The following RYR3 variants were observed in gnomAD, a reference collection of about 807,000 sequenced individuals.
The protein encoded by RYR3 is brain ryanodine receptor-calcium release channel.
In RYR3, 207 loss-of-function variants were observed where a neutral mutation model predicts 584.3. That is an observed-to-expected ratio of 0.35 (90% CI 0.32 to 0.40). The LOEUF is 0.40. Among genes scored for constraint, RYR3 ranks in the 10% least tolerant of loss-of-function variants. The pLI is 1.00. For synonymous variants in RYR3, 2,416 were observed against 2,248.5 expected, an observed-to-expected ratio of 1.07 and a Z score of -2.11; for missense variants, 5,616 against 6,089.2, an observed-to-expected ratio of 0.92 and a Z score of 2.59.
chr15:33,378,466 G>A (rs2040915272), intron 1 of RYR3, among the ~76,000 whole-genome samples: 1 of 152,176 alleles, frequency 6.6e-6, no homozygotes, highest in South Asian at 2.1e-4. Flanking sequence ...GGTATTTTGA[G>A]GCTTCTTGTT....
At chr15:33,672,410 C>A (rs1243695517) in intron 38 of RYR3, among the ~76,000 whole-genome samples, 1 of 152,170 alleles carries the variant, frequency 6.6e-6, no homozygotes, top group Non-Finnish European at 1.5e-5. Flanking sequence ...CATGCTTCTT[C>A]CCTTCCACAG....
chr15:33,859,854 A>T, intron 100 of RYR3, 123 bp downstream of exon 100: 2 of 1,107,766 alleles, frequency 1.8e-6, no homozygotes, highest in East Asian at 2.6e-5. Flanking sequence ...TAATTTAGCA[A>T]GAACTAATTT....
intron 1 of RYR3, among the ~76,000 whole-genome samples, chr15:33,342,897 G>A (rs1287846036): frequency 1.3e-5 from 2 of 152,136 alleles, no homozygotes; most frequent in African/African-American, 4.8e-5. Context: ...GACAAACAGC[G>A]ACATATGACA....
chr15:33,836,159 C>T (rs74855708), intron 87 of RYR3, among the ~76,000 whole-genome samples: 1 of 134,592 alleles, frequency 7.4e-6, no homozygotes. Context: ...TTTTCTTTTG[C>T]TTTTTTTTTA....
chr15:33,860,930 A>G (rs1050864143), intron 101 of RYR3, 148 bp from the exon 102 acceptor site: 2 of 563,910 alleles, frequency 3.5e-6, no homozygotes, highest in South Asian at 2.6e-5. Context: ...CTAATAGCCA[A>G]TGTATGGCAC....
chr15:33,794,885 G>T (rs577364119), intron 67 of RYR3, among the ~76,000 whole-genome samples: 5 of 152,138 alleles, frequency 3.3e-5, no homozygotes, highest in African/African-American at 9.7e-5. Context: ...AGAAATACCC[G>T]TTCCTTTTTC....
At chr15:33,552,441 C>T (rs1051517049) in intron 10 of RYR3, among the ~76,000 whole-genome samples, 4 of 152,152 alleles carry the variant, frequency 2.6e-5, no homozygotes, top group African/African-American at 9.7e-5. Context: ...CATGGTACCA[C>T]GGGGGCCATC....
At chr15:33,453,808 A>G (rs2047328490) in intron 1 of RYR3, among the ~76,000 whole-genome samples, 1 of 152,222 alleles carries the variant, frequency 6.6e-6, no homozygotes, top group Non-Finnish European at 1.5e-5. Flanking sequence ...ATGAAAAAAA[A>G]GTTAATTTAC....
chr15:33,864,240 T>G, intron 103 of RYR3, 51 bp downstream of exon 103: 1 of 1,445,838 alleles, frequency 6.9e-7, no homozygotes, highest in African/African-American at 1.4e-5. Flanking sequence ...TTCCTAAATC[T>G]TGAGACTTAG....
chr15:33,321,124 C>T (rs914961867), intron 1 of RYR3, among the ~76,000 whole-genome samples: 2 of 152,210 alleles, frequency 1.3e-5, no homozygotes, highest in African/African-American at 4.8e-5. Context: ...AGATGGGCAA[C>T]ATGATTTGGA....
intron 98 of RYR3, among the ~76,000 whole-genome samples, chr15:33,857,005 G>C (rs2079746842): frequency 6.6e-6 from 1 of 152,140 alleles, no homozygotes; most frequent in African/African-American, 2.4e-5. Context: ...ACATTGTGAA[G>C]CCTCAGGTAA....
At chr15:33,671,535 A>G (rs553643714) in intron 38 of RYR3, among the ~76,000 whole-genome samples, 1 of 152,280 alleles carries the variant, frequency 6.6e-6, no homozygotes, top group Admixed American at 6.5e-5. Flanking sequence ...ACCATTTGTC[A>G]TCGGAAGTAT....
rs140386682 is a variant in RYR3, at chr15:33,827,249, G to A, written c.11296G>A (p.Val3766Ile). Residue 3766 changes from valine to isoleucine, a missense_variant, in exon 85 of 104, where the codon GTC (valine) becomes ATC (isoleucine). By Grantham distance (29) the Val-to-Ile change is conservative. Coordinates refer to ENST00000634891, the MANE Select transcript of RYR3 (RefSeq NM_001036.6). ...TQMGNTTTVN[V>I]IISTVDYLLR... ...GATGGGCAACACCACCACCGTGAATGTCATCATCAGCACTGTGGACTACCT... is the reference window on the plus strand; with the variant it reads ...GATGGGCAACACCACCACCGTGAATATCATCATCAGCACTGTGGACTACCT... The A allele has an allele frequency of 5.4e-5, 84 of 1,552,966 alleles. No individual in the cohort carries two copies. In the African/African-American group the frequency reaches 1.0e-3, roughly 18 times the overall value.
At chr15:33,736,122 G>T in intron 48 of RYR3, 113 bp from the exon 49 acceptor site, 1 of 637,844 alleles carries the variant, frequency 1.6e-6, no homozygotes, top group Non-Finnish European at 2.8e-6. Context: ...TTGTGTATTA[G>T]GAGCTGTTTT....
chr15:33,372,398 AC>A (rs1283358986), intron 1 of RYR3, among the ~76,000 whole-genome samples: 50 of 114,632 alleles, frequency 4.4e-4, no homozygotes, highest in African/African-American at 1.7e-3. Flanking sequence ...GTGGAGTCTC[AC>A]TGTCTCCCAG....
chr15:33,802,426 G>C (rs929615126), intron 69 of RYR3, among the ~76,000 whole-genome samples: 2 of 152,134 alleles, frequency 1.3e-5, no homozygotes, highest in African/African-American at 4.8e-5. Context: ...TATTTCAGCT[G>C]TGTTGATCTC....
In RYR3 at chr15:33,346,906, C is replaced by T. The variant is rs551210998; in HGVS notation, c.51+35810C>T. Reference sequence around the variant, plus strand: ...TTGCTTGAGGCCAGGAGTTCGAGACCAGCCTGGGCAACATAGCAAGACCCT... The same window carrying T: ...TTGCTTGAGGCCAGGAGTTCGAGACTAGCCTGGGCAACATAGCAAGACCCT... On this transcript the variant is annotated intron_variant, in intron 1 of 103. Coordinates refer to ENST00000634891, the MANE Select transcript of RYR3 (RefSeq NM_001036.6). Among the ~76,000 whole-genome samples, 3 of 152,094 alleles carry T rather than the reference C, an allele frequency of 2.0e-5. No homozygotes were observed. In the East Asian group the frequency reaches 5.8e-4, roughly 29 times the overall value.
At chr15:33,722,296 T>C (rs1216574137) in intron 43 of RYR3, among the ~76,000 whole-genome samples, 2 of 152,214 alleles carry the variant, frequency 1.3e-5, no homozygotes, top group Non-Finnish European at 2.9e-5. Flanking sequence ...CATGGTAGAC[T>C]CAGTAGTTTA....
chr15:33,539,566 G>T, intron 6 of RYR3, 104 bp downstream of exon 6: 1 of 682,922 alleles, frequency 1.5e-6, no homozygotes. Context: ...AGAATAAGAT[G>T]CTTTTACATA....
Sources: gnomAD v4.1 joint callset for allele counts (sites outside exome capture counted in the v4.1 genomes callset) on GRCh38, gnomAD v4.1.1 for gene constraint, MANE v1.5 for transcripts, NCBI Gene and HGNC (gene_info 2026-07-23, HGNC 2026-07-21) for gene names.